CADM2: variants seen among roughly 807,000 people sequenced by gnomAD.
The protein encoded by CADM2 is immunoglobulin superfamily member 4D.
In CADM2, 12 loss-of-function variants were observed where a neutral mutation model predicts 49.8. The observed-to-expected ratio is 0.24, with a 90% CI of 0.15 to 0.39. The LOEUF is 0.39. Among genes scored for constraint, CADM2 ranks in the 10% least tolerant of loss-of-function variants. The pLI, the probability that CADM2 is intolerant of heterozygous loss-of-function variation, is 1.00. For synonymous variants in CADM2, 214 were observed against 175.4 expected, an observed-to-expected ratio of 1.22 and a Z score of -1.74; for missense variants, 378 against 492.3, an observed-to-expected ratio of 0.77 and a Z score of 2.20.
intron 1 of CADM2, among the ~76,000 whole-genome samples, chr3:85,246,579 G>T (rs181957597): frequency 1.3e-5 from 2 of 152,150 alleles, no homozygotes; most frequent in East Asian, 3.9e-4. Context: ...TATGAAAAAA[G>T]ATTCCAGGAT....
At chr3:85,838,128 T>A (rs941249197) in intron 3 of CADM2, among the ~76,000 whole-genome samples, 1 of 151,844 alleles carries the variant, frequency 6.6e-6, no homozygotes, top group Non-Finnish European at 1.5e-5. Context: ...ATCTTATTAA[T>A]AGTGGTTAAA....
intron 1 of CADM2, among the ~76,000 whole-genome samples, chr3:85,283,555 G>A (rs1045204977): frequency 1.3e-5 from 2 of 151,992 alleles, no homozygotes; most frequent in Admixed American, 1.3e-4. Flanking sequence ...TTCTGTATTT[G>A]ATACTTTGTA....
intron 1 of CADM2, among the ~76,000 whole-genome samples, chr3:85,230,840 C>T (rs2042269675): frequency 6.6e-6 from 1 of 152,018 alleles, no homozygotes; most frequent in Admixed American, 6.5e-5. Flanking sequence ...CTTCTCATTA[C>T]TGACAGGTAG....
intron 3 of CADM2, among the ~76,000 whole-genome samples, chr3:85,823,368 G>A (rs886538618): frequency 6.6e-6 from 1 of 152,044 alleles, no homozygotes; most frequent in East Asian, 1.9e-4. Flanking sequence ...TTGGTTTATG[G>A]TCTATATGAA....
chr3:85,595,141 GCATTTCA>G (rs2063207214), intron 1 of CADM2, among the ~76,000 whole-genome samples: 1 of 151,986 alleles, frequency 6.6e-6, no homozygotes, highest in African/African-American at 2.4e-5. Context: ...AGGAACTAAT[GCATTTCA>G]GTACTGAAGT....
At chr3:86,013,691 T>C (rs1325693565) in intron 8 of CADM2, 32 of 1,601,300 alleles carry the variant, frequency 2.0e-5, no homozygotes, top group Non-Finnish European at 2.5e-5. Context: ...GGTTTGTTGA[T>C]GAATCTCATA....
At chr3:85,979,012 G>C in intron 8 of CADM2, 7 of 744,004 alleles carry the variant, frequency 9.4e-6, no homozygotes, top group Non-Finnish European at 1.2e-5. Flanking sequence ...AAAATGACAA[G>C]AATTGTGTGA....
chr3:85,132,420 T>G (rs1364171388), intron 1 of CADM2, among the ~76,000 whole-genome samples: 1 of 152,140 alleles, frequency 6.6e-6, no homozygotes. Flanking sequence ...GAGGCTTAAT[T>G]AAGTGGCACC....
At chr3:85,535,898 T>C (rs2061413043) in intron 1 of CADM2, among the ~76,000 whole-genome samples, 1 of 152,100 alleles carries the variant, frequency 6.6e-6, no homozygotes, top group African/African-American at 2.4e-5. Flanking sequence ...TAATGCTGTG[T>C]GTAGAAGGAA....
intron 1 of CADM2, among the ~76,000 whole-genome samples, chr3:85,627,628 T>C (rs1278232456): frequency 6.6e-6 from 1 of 151,952 alleles, no homozygotes; most frequent in Non-Finnish European, 1.5e-5. Context: ...CAAAGATAAC[T>C]ATGGCTCTTT....
intron 8 of CADM2, among the ~76,000 whole-genome samples, chr3:86,026,280 G>A (rs1371703468): frequency 1.3e-5 from 2 of 151,942 alleles, no homozygotes; most frequent in East Asian, 1.9e-4. Flanking sequence ...GGAGAACTCT[G>A]TTGTGGAGAG....
At chr3:85,837,337 A>G (rs560923460) in intron 3 of CADM2, among the ~76,000 whole-genome samples, 8 of 151,768 alleles carry the variant, frequency 5.3e-5, no homozygotes, top group East Asian at 1.9e-4. Flanking sequence ...AGAACTTTCT[A>G]AAGTATTTTC....
rs1329845875 is a variant in CADM2, at chr3:85,809,712, CTTCCTTCG to C, written c.238+7524_238+7531del. Among the ~76,000 whole-genome samples the C allele has an allele frequency of 4.9e-4, 52 of 106,278 alleles. 1 individual carries two copies. Among genetic ancestry groups the C allele is most frequent in the African/African-American group, 1.8e-3 (50 of 27,716 alleles). The allele number at this position is 106,278 out of a possible 152,430, so 69.7% of individuals were successfully genotyped here. A position where few individuals can be genotyped will look rare whatever the true frequency, so the allele number is the denominator to read the frequency against. On this transcript the variant is annotated intron_variant, in intron 3 of 9. Coordinates refer to ENST00000383699, the MANE Select transcript of CADM2 (RefSeq NM_001167675.2). ...CCTTCCTTCCTTCCTTCCTTCCTTC[CTTCCTTCG>C]TTCCTTCCCTCCCTCCCTCCCTCCT... is the stretch of plus-strand genomic sequence containing the variant.
At position 85,884,726 on chromosome 3, in the gene CADM2, CTTTTTTT is replaced by C. The variant is rs954806418; in HGVS notation, c.391+1294_391+1300del. On this transcript the variant is annotated intron_variant, in intron 4 of 9. Coordinates refer to ENST00000383699, the MANE Select transcript of CADM2 (RefSeq NM_001167675.2). ...ATTGGTGCCTTCCAATATTCTTCTT[CTTTTTTT>C]TTTTTTTTTTAAAACGGAGTCTCAC... Among the ~76,000 whole-genome samples, 4 of 138,336 alleles carry C rather than the reference CTTTTTTT, an allele frequency of 2.9e-5. No homozygotes were observed. In the South Asian group the frequency reaches 9.1e-4, roughly 32 times the overall value. 90.8% of individuals were successfully genotyped at this position (138,336 alleles called of 152,430 possible).
At chr3:85,288,826 A>G (rs72919288) in intron 1 of CADM2, among the ~76,000 whole-genome samples, 9,780 of 127,210 alleles carry the variant, frequency 0.077, 1,085 homozygotes, top group African/African-American at 0.25. Flanking sequence ...AATTTCTCAG[A>G]GATGAATTGA....
At chr3:85,733,804 GAA>G (rs2068027397) in intron 2 of CADM2, among the ~76,000 whole-genome samples, 1 of 152,182 alleles carries the variant, frequency 6.6e-6, no homozygotes, top group East Asian at 1.9e-4. Context: ...CATCTCATCT[GAA>G]AGGCAAGATC....
At chr3:85,539,593 A>C (rs993727253) in intron 1 of CADM2, among the ~76,000 whole-genome samples, 1 of 152,100 alleles carries the variant, frequency 6.6e-6, no homozygotes, top group Non-Finnish European at 1.5e-5. Context: ...TGTTGGAACA[A>C]CACCAGGTAA....
intron 1 of CADM2, among the ~76,000 whole-genome samples, chr3:85,130,857 A>G (rs950582277): frequency 6.6e-6 from 1 of 152,224 alleles, no homozygotes; most frequent in Non-Finnish European, 1.5e-5. Flanking sequence ...CATAATTTTC[A>G]TAAGCAGTTG....
At position 85,105,249 on chromosome 3, in the gene CADM2, G is replaced by A. The variant is rs538241153; in HGVS notation, c.61+145581G>A. On this transcript the variant is annotated intron_variant, in intron 1 of 9. Coordinates refer to ENST00000383699, the MANE Select transcript of CADM2 (RefSeq NM_001167675.2). ...ACAATGAACTCAAACAAATTTACAA[G>A]GAAAAAACAAACAACCCCATCAAAA... Among the ~76,000 whole-genome samples, 4 of 152,026 alleles carry A rather than the reference G, an allele frequency of 2.6e-5. No individual in the cohort carries two copies. In the South Asian group the frequency reaches 6.2e-4, roughly 24 times the overall value.
Sources: gnomAD v4.1 joint callset for allele counts (sites outside exome capture counted in the v4.1 genomes callset) on GRCh38, gnomAD v4.1.1 for gene constraint, MANE v1.5 for transcripts, NCBI Gene and HGNC (gene_info 2026-07-23, HGNC 2026-07-21) for gene names.